Variants in EXT1 observed in about 807,000 individuals in gnomAD.
EXT1 encodes the protein exostosin-1.
EXT1 carries 20 observed loss-of-function variants against 82.5 expected under a neutral mutation model. The observed-to-expected ratio is 0.24, with a 90% CI of 0.17 to 0.35. The LOEUF (loss-of-function observed/expected upper bound fraction) is 0.35. EXT1 is among the 10% of genes least tolerant of loss of function. The pLI is 1.00. For synonymous variants in EXT1, 348 were observed against 350.8 expected, an observed-to-expected ratio of 0.99 and a Z score of 0.09; for missense variants, 757 against 936.5, an observed-to-expected ratio of 0.81 and a Z score of 2.50.
intron 1 of EXT1, among the ~76,000 whole-genome samples, chr8:118,075,732 C>T (rs952865487): frequency 2.0e-5 from 3 of 152,130 alleles, no homozygotes; most frequent in South Asian, 2.1e-4. Context: ...CCTGAGGCCT[C>T]AGGAAGCTTA....
intron 1 of EXT1, among the ~76,000 whole-genome samples, chr8:118,065,337 A>G (rs1200140438): frequency 6.6e-6 from 1 of 152,140 alleles, no homozygotes; most frequent in African/African-American, 2.4e-5. Flanking sequence ...AAGGCTCTCA[A>G]TTTCCCAGGA....
At chr8:117,922,536 A>C (rs1813875516) in intron 1 of EXT1, among the ~76,000 whole-genome samples, 1 of 152,176 alleles carries the variant, frequency 6.6e-6, no homozygotes, top group Non-Finnish European at 1.5e-5. Flanking sequence ...TCAGTAACCG[A>C]TCCACCTTTC....
At chr8:118,070,091 CTT>C (rs1329339211) in intron 1 of EXT1, among the ~76,000 whole-genome samples, 1 of 152,156 alleles carries the variant, frequency 6.6e-6, no homozygotes, top group Admixed American at 6.5e-5. Flanking sequence ...TATTTATAAA[CTT>C]CAGCAAATTT....
chr8:117,812,100 G>GT lies in EXT1; in HGVS notation c.1722+771dup, dbSNP rs1306518820. On this transcript the variant is annotated intron_variant, in intron 8 of 10. Transcript: ENST00000378204. ...AGACAGGGAGAGGGAGGGGAAAGGT[G>GT]TAAGTAGTTACGTCTCCATGCTTTT... is the stretch of plus-strand genomic sequence containing the variant. Among the ~76,000 whole-genome samples the GT allele has an allele frequency of 2.4e-4, 36 of 152,220 alleles. No homozygotes were observed. The East Asian group carries it at 4.4e-3, about 19-fold the overall frequency.
intron 1 of EXT1, among the ~76,000 whole-genome samples, chr8:117,846,043 G>A (rs186591707): frequency 1.3e-5 from 2 of 152,248 alleles, no homozygotes; most frequent in Admixed American, 6.5e-5. Context: ...TTAATACATC[G>A]TGCCCATGAC....
chr8:117,851,502 G>A (rs1434431580), intron 1 of EXT1, among the ~76,000 whole-genome samples: 1 of 150,904 alleles, frequency 6.6e-6, no homozygotes, highest in Non-Finnish European at 1.5e-5. Flanking sequence ...TTGGTGCCAC[G>A]TTTCGGATTT....
chr8:118,101,138 C>T (rs945521940), intron 1 of EXT1, among the ~76,000 whole-genome samples: 1 of 152,182 alleles, frequency 6.6e-6, no homozygotes, highest in Non-Finnish European at 1.5e-5. Context: ...AAGGTACAGT[C>T]TCACATACTC....
In EXT1 at chr8:117,858,766, A is replaced by AAGGAAGGAAGGCAGGC. The variant is rs1289892313; in HGVS notation, c.963-21566_963-21565insGCCTGCCTTCCTTCCT. 2.4e-3 allele frequency among the ~76,000 whole-genome samples: 131 copies of AAGGAAGGAAGGCAGGC among 54,590 alleles called. 4 individuals carry two copies. Among genetic ancestry groups the AAGGAAGGAAGGCAGGC allele is most frequent in the Middle Eastern group, 7.6e-3 (1 of 132 alleles). The allele number at this position is 54,590 out of a possible 152,430, so 35.8% of individuals were successfully genotyped here. A position where few individuals can be genotyped will look rare whatever the true frequency, so the allele number is the denominator to read the frequency against. ...GAAGGAAGGAAGGAAGGAAGGAAGG[A>AAGGAAGGAAGGCAGGC]AGGCAGGCAGGCAGGCAGGCAGGCA... is the stretch of plus-strand genomic sequence containing the variant. On this transcript the variant is annotated intron_variant, in intron 1 of 10. Transcript: ENST00000378204.
chr8:117,989,909 A>T (rs1815398528), intron 1 of EXT1, among the ~76,000 whole-genome samples: 1 of 152,234 alleles, frequency 6.6e-6, no homozygotes, highest in Admixed American at 6.5e-5. Context: ...TAGAACCCAG[A>T]CTGGAGGCGG....
chr8:117,917,601 G>A (rs908449663), intron 1 of EXT1, among the ~76,000 whole-genome samples: 5 of 152,180 alleles, frequency 3.3e-5, no homozygotes, highest in East Asian at 1.9e-4. Context: ...TAAGCGAATG[G>A]TTTCACCTCA....
chr8:118,008,846 GT>G (rs1285373695), intron 1 of EXT1, among the ~76,000 whole-genome samples: 2 of 152,076 alleles, frequency 1.3e-5, no homozygotes, highest in Non-Finnish European at 2.9e-5. Flanking sequence ...ACCTCACAGA[GT>G]TTTTTAAAGA....
chr8:118,095,887 C>T (rs79186133), intron 1 of EXT1, among the ~76,000 whole-genome samples: 1 of 152,184 alleles, frequency 6.6e-6, no homozygotes, highest in Non-Finnish European at 1.5e-5. Context: ...ACAAACTAAA[C>T]AAACAAGCCA....
chr8:117,888,278 G>A (rs530282919), intron 1 of EXT1, among the ~76,000 whole-genome samples: 2 of 152,010 alleles, frequency 1.3e-5, no homozygotes, highest in South Asian at 4.1e-4. Context: ...AATGAACTGT[G>A]TCAAGATTAT....
intron 1 of EXT1, among the ~76,000 whole-genome samples, chr8:118,073,632 AAGAAG>A (rs200527277): frequency 0.13 from 11,284 of 89,238 alleles, 623 homozygotes; most frequent in Non-Finnish European, 0.14. Context: ...AGAGAAGAGA[AAGAAG>A]AGAAGAGAAG....
At chr8:117,919,103 T>C (rs965756894) in intron 1 of EXT1, among the ~76,000 whole-genome samples, 7 of 152,142 alleles carry the variant, frequency 4.6e-5, no homozygotes, top group Admixed American at 4.6e-4. Context: ...AAAAAAGAAT[T>C]CAACTTTACA....
intron 1 of EXT1, among the ~76,000 whole-genome samples, chr8:118,091,459 C>A (rs779425764): frequency 6.6e-6 from 1 of 152,050 alleles, no homozygotes; most frequent in Non-Finnish European, 1.5e-5. Flanking sequence ...AATAAGTCGG[C>A]CGGGCGCGGT....
At chr8:118,001,539 G>A (rs1815666091) in intron 1 of EXT1, among the ~76,000 whole-genome samples, 2 of 151,634 alleles carry the variant, frequency 1.3e-5, no homozygotes, top group Non-Finnish European at 2.9e-5. Context: ...TTATTTTTAG[G>A]TAATGTACAC....
intron 1 of EXT1, among the ~76,000 whole-genome samples, chr8:117,878,005 G>A (rs1254004152): frequency 6.6e-6 from 1 of 152,212 alleles, no homozygotes; most frequent in African/African-American, 2.4e-5. Flanking sequence ...AGGTGCGGTG[G>A]CTCACACGTA....
At chr8:117,950,342 G>A (rs1490646361) in intron 1 of EXT1, among the ~76,000 whole-genome samples, 1 of 152,170 alleles carries the variant, frequency 6.6e-6, no homozygotes, top group Non-Finnish European at 1.5e-5. Flanking sequence ...CAGACCTTTC[G>A]ACCAGCAGCT....
Sources: allele counts gnomAD v4.1 joint callset (sites outside exome capture counted in the v4.1 genomes callset), GRCh38; gene constraint gnomAD v4.1.1; transcripts MANE v1.5; gene names NCBI Gene and HGNC (gene_info 2026-07-23, HGNC 2026-07-21).